RAI1: variants seen among roughly 807,000 people sequenced by gnomAD.
RAI1 encodes the protein retinoic acid-induced protein 1.
Under a neutral mutation model 123.8 loss-of-function variants are expected in RAI1, and 9 were observed. That is an observed-to-expected ratio of 0.07 (90% CI 0.04 to 0.13). The LOEUF is 0.13. Among genes scored for constraint, RAI1 ranks in the 10% least tolerant of loss-of-function variants. The pLI is 1.00. For synonymous variants in RAI1, 1,231 were observed against 1,127.3 expected (o/e 1.09, Z -1.84); for missense variants, 2,256 against 2,545.8 (o/e 0.89, Z 2.45).
chr17:17,683,316 G>A, intron 1 of RAI1, among the ~76,000 whole-genome samples: 1 of 152,096 alleles, frequency 6.6e-6, no homozygotes, highest in East Asian at 1.9e-4. Context: ...CCGAGCTGGG[G>A]GCTCTGCTTC....
At chr17:17,747,007 CCAAA>C (rs879926900) in intron 2 of RAI1, among the ~76,000 whole-genome samples, 12 of 152,142 alleles carry the variant, frequency 7.9e-5, no homozygotes, top group Non-Finnish European at 1.6e-4. Flanking sequence ...GATACGGCTG[CCAAA>C]CAAACTGCAT....
intron 2 of RAI1, among the ~76,000 whole-genome samples, chr17:17,754,274 G>A (rs372264826): frequency 5.1e-5 from 7 of 138,246 alleles, no homozygotes; most frequent in Admixed American, 8.1e-5. Context: ...GCGCGATCTC[G>A]GCTCACCGCA....
chr17:17,805,013 C>T (rs892574120), intron 4 of RAI1, among the ~76,000 whole-genome samples: 1 of 152,126 alleles, frequency 6.6e-6, no homozygotes, highest in Non-Finnish European at 1.5e-5. Context: ...CAGGCGTGCA[C>T]CACCACGCTC....
At chr17:17,722,940 C>T (rs886189235) in intron 1 of RAI1, among the ~76,000 whole-genome samples, 19 of 152,240 alleles carry the variant, frequency 1.2e-4, no homozygotes, top group Non-Finnish European at 1.9e-4. Context: ...GTGCGATCCC[C>T]GACGCCAGGA....
In RAI1 at chr17:17,798,035, T is replaced by C. The variant is rs1567929245; in HGVS notation, c.5087T>C (p.Phe1696Ser). Reference protein sequence around the residue: ...VCCLCQNPANFKDLGDLCGPY... With the variant: ...VCCLCQNPANSKDLGDLCGPY... Reference sequence around the variant, plus strand: ...TGCCTCTGCCAAAACCCGGCCAACTTCAAGGACCTTGGGGACCTCTGTGGG... The same window carrying C: ...TGCCTCTGCCAAAACCCGGCCAACTCCAAGGACCTTGGGGACCTCTGTGGG... Residue 1696 changes from phenylalanine to serine, a missense_variant, in exon 3 of 6, where the codon TTC becomes TCC. Phe to Ser is a radical substitution (Grantham distance 155, BLOSUM62 -2). Around this residue, in one of 7 missense-constraint regions of RAI1, gnomAD observed 243 missense variants for 316.6 expected, o/e 0.77. Coordinates refer to ENST00000353383, the MANE Select transcript of RAI1 (RefSeq NM_030665.4). 1 of 1,614,022 alleles carries C rather than the reference T, an allele frequency of 6.2e-7. No homozygotes were observed.
rs2032701750 is a variant in RAI1, at chr17:17,810,130, A to T, written c.*149A>T. 4 of 1,170,394 alleles carry T rather than the reference A, an allele frequency of 3.4e-6. No homozygotes were observed. The South Asian group carries it at 6.5e-5, about 19-fold the overall frequency. 72.5% of individuals were successfully genotyped at this position (1,170,394 alleles called of 1,614,324 possible). On this transcript the variant is annotated 3_prime_UTR_variant, in exon 6 of 6. Transcript: ENST00000353383. The surrounding 1 kb of genome is among the most constrained non-coding windows in gnomAD (Gnocchi z 4.6). ...CCTTGATCCGGGTCCCGGATCGTGGATCCGGCCGCCTAGGGCTCAGACTTG... is the reference window on the plus strand; with the variant it reads ...CCTTGATCCGGGTCCCGGATCGTGGTTCCGGCCGCCTAGGGCTCAGACTTG...
rs1371389111 is a variant in RAI1, at chr17:17,755,888, A to G, written c.-17+31729A>G. ...GGGCAGGGCTGTACCCTCTGCACAC[A>G]TCACCCTTCCCTATCCCCAACCCTC... On this transcript the variant is annotated intron_variant, in intron 2 of 5. Coordinates refer to ENST00000353383, the MANE Select transcript of RAI1 (RefSeq NM_030665.4). Among the ~76,000 whole-genome samples the G allele has an allele frequency of 3.9e-5, 6 of 152,108 alleles. No individual in the cohort carries two copies. The East Asian group carries it at 7.7e-4, about 20-fold the overall frequency.
At chr17:17,754,471 G>A (rs2030352747) in intron 2 of RAI1, among the ~76,000 whole-genome samples, 1 of 152,070 alleles carries the variant, frequency 6.6e-6, no homozygotes, top group African/African-American at 2.4e-5. Flanking sequence ...CCCGACTTCG[G>A]GTGATCCGCC....
At chr17:17,739,993 G>A (rs1389482320) in intron 2 of RAI1, among the ~76,000 whole-genome samples, 1 of 152,256 alleles carries the variant, frequency 6.6e-6, no homozygotes, top group East Asian at 1.9e-4. Context: ...TGGGAGTGGG[G>A]ATGGAAGCCT....
At position 17,795,585 on chromosome 17, in the gene RAI1, C is replaced by T. The variant is rs1335816265; in HGVS notation, c.2637C>T (p.Gly879=). 16 of 1,612,234 alleles carry T rather than the reference C, an allele frequency of 9.9e-6. No homozygotes were observed. The highest frequency in any genetic ancestry group is 1.1e-5 in the Non-Finnish European group (13 of 1,179,510). The change falls in exon 3 of 6, where the codon GGC becomes GGT. Residue 879 remains glycine (G), a synonymous_variant. Transcript: ENST00000353383. This position sits in a 1 kb window ranked among gnomAD's most constrained non-coding sequence, Gnocchi z 5.9. ...EEYSSLCELL[G]SPEQRPGMQD... is the part of the protein sequence containing the mutation. ...ACTCCTCCCTATGTGAGCTCCTGGG[C>T]AGCCCCGAGCAGAGGCCTGGCATGC...
intron 2 of RAI1, chr17:17,778,745 C>T (rs752215606): frequency 3.3e-5 from 15 of 456,748 alleles, no homozygotes; most frequent in South Asian, 2.2e-4. Context: ...TGCTGGAGAG[C>T]CCGCCAAGAG....
intron 1 of RAI1, among the ~76,000 whole-genome samples, chr17:17,718,073 C>T (rs73294152): frequency 0.013 from 1,989 of 152,246 alleles, 49 homozygotes; most frequent in African/African-American, 0.045. Context: ...GGCCCAGCAC[C>T]AGCATTCCTG....
At chr17:17,697,932 C>A (rs1056768407) in intron 1 of RAI1, among the ~76,000 whole-genome samples, 1 of 152,180 alleles carries the variant, frequency 6.6e-6, no homozygotes, top group African/African-American at 2.4e-5. Context: ...ATCTCTCTCA[C>A]CCACTTTTCA....
Position 17,795,957 on chromosome 17 carries a change from G to T in RAI1, c.3009G>T (p.Val1003=). The T allele has an allele frequency of 6.2e-7, 1 of 1,605,230 alleles. No homozygotes were observed. The change falls in exon 3 of 6, where the codon GTG becomes GTT. Residue 1003 remains valine, a synonymous_variant. Transcript: ENST00000353383. The surrounding 1 kb of genome is among the most constrained non-coding windows in gnomAD (Gnocchi z 5.9). ...PRGKSLRSRR[V]HRGLPEAEDS... is the part of the protein sequence containing the mutation. ...GCAAAAGCTTACGGAGCCGTCGGGT[G>T]CACCGGGGGCTGCCCGAGGCCGAGG...
chr17:17,724,768 C>T (rs1916021576), intron 2 of RAI1, among the ~76,000 whole-genome samples: 1 of 152,026 alleles, frequency 6.6e-6, no homozygotes. Flanking sequence ...TGCGGCCCCT[C>T]CTCGCCGCCC....
At chr17:17,711,752 G>A (rs975886404) in intron 1 of RAI1, among the ~76,000 whole-genome samples, 2 of 152,236 alleles carry the variant, frequency 1.3e-5, no homozygotes, top group Non-Finnish European at 2.9e-5. Flanking sequence ...TTGGTAGCTT[G>A]GGGCATTAGG....
chr17:17,694,387 T>G (rs1914939472), intron 1 of RAI1, among the ~76,000 whole-genome samples: 1 of 151,936 alleles, frequency 6.6e-6, no homozygotes, highest in Non-Finnish European at 1.5e-5. Flanking sequence ...GAGGGGCATC[T>G]TTTCTGGGGT....
chr17:17,764,703 A>G (rs1376080925), intron 2 of RAI1, among the ~76,000 whole-genome samples: 1 of 152,100 alleles, frequency 6.6e-6, no homozygotes, highest in Non-Finnish European at 1.5e-5. Flanking sequence ...GCCTCAAGAT[A>G]TCTGCTTACC....
At chr17:17,769,882 A>G (rs12103565) in intron 2 of RAI1, among the ~76,000 whole-genome samples, 4,759 of 150,446 alleles carry the variant, frequency 0.032, 214 homozygotes, top group African/African-American at 0.1. Context: ...GGTGGAGGGA[A>G]ATGGGCTTTG....
Sources: allele counts gnomAD v4.1 joint callset (sites outside exome capture counted in the v4.1 genomes callset), GRCh38; gene constraint gnomAD v4.1.1; regional missense constraint gnomAD v4.1.1; non-coding constraint Gnocchi (gnomAD v3.1); transcripts MANE v1.5; gene names NCBI Gene and HGNC (gene_info 2026-07-23, HGNC 2026-07-21).